Variants in CPA6 observed in about 807,000 individuals in gnomAD.
CPA6 encodes the protein carboxypeptidase A6, also known as carboxypeptidase B.
CPA6 carries 58 observed loss-of-function variants against 63.3 expected under a neutral mutation model. The ratio of observed to expected loss-of-function variants is 0.92; its 90% CI spans 0.74 to 1.14. The LOEUF (loss-of-function observed/expected upper bound fraction) is 1.14. Ranked by LOEUF, CPA6 falls within the 50% of genes most tolerant of loss-of-function variation. CPA6 has a pLI of 0.00. For missense variants in CPA6, 565 were observed against 526.6 expected (o/e 1.07, Z -0.71); for synonymous variants, 185 against 179.0 (o/e 1.03, Z -0.27).
At chr8:67,514,681 T>C (rs1361939299) in intron 3 of CPA6, among the ~76,000 whole-genome samples, 1 of 152,246 alleles carries the variant, frequency 6.6e-6, no homozygotes, top group Non-Finnish European at 1.5e-5. Context: ...CAGTTCCACA[T>C]GACCTATATT....
chr8:67,667,204 T>C (rs1218615054), intron 1 of CPA6, among the ~76,000 whole-genome samples: 1 of 152,172 alleles, frequency 6.6e-6, no homozygotes, highest in Non-Finnish European at 1.5e-5. Flanking sequence ...TGGTTCAGCA[T>C]GTCAAGAAAA....
chr8:67,717,306 A>G (rs2129001170), intron 1 of CPA6, among the ~76,000 whole-genome samples: 1 of 152,306 alleles, frequency 6.6e-6, no homozygotes, highest in East Asian at 1.9e-4. Context: ...AGGAAGAGAG[A>G]GCTGGAAATA....
At chr8:67,601,748 C>A (rs762348874) in intron 2 of CPA6, among the ~76,000 whole-genome samples, 1 of 151,980 alleles carries the variant, frequency 6.6e-6, no homozygotes, top group Non-Finnish European at 1.5e-5. Flanking sequence ...AAGGGAGTAG[C>A]GAAATAGGAA....
intron 2 of CPA6, among the ~76,000 whole-genome samples, chr8:67,607,168 CCTCTTCTTCTTCTTCTTCT>C: frequency 9.7e-6 from 1 of 103,400 alleles, no homozygotes; most frequent in South Asian, 5.3e-4. Flanking sequence ...TCTTCTTCTT[CCTCTTCTTCTTCTTCTTCT>C]TCTTCTTCTT....
chr8:67,692,328 C>CAAAAAAAAAA (rs55676882), intron 1 of CPA6, among the ~76,000 whole-genome samples: 1 of 89,992 alleles, frequency 1.1e-5, no homozygotes, highest in Admixed American at 1.3e-4. Context: ...AATCCTGTCT[C>CAAAAAAAAAA]AAAAAAAAAA....
chr8:67,643,361 A>G (rs1815638586), intron 1 of CPA6, among the ~76,000 whole-genome samples: 1 of 152,226 alleles, frequency 6.6e-6, no homozygotes, highest in East Asian at 1.9e-4. Context: ...ACCTCTCCAA[A>G]AAATGGAATA....
chr8:67,506,658 T>C (rs1385275231), intron 6 of CPA6, 129 bp downstream of exon 6: 1 of 635,400 alleles, frequency 1.6e-6, no homozygotes, highest in Non-Finnish European at 2.9e-6. Flanking sequence ...AAGCAGCCCA[T>C]GGAATCAAGG....
chr8:67,734,208 A>T (rs62511420), intron 1 of CPA6, among the ~76,000 whole-genome samples: 6,093 of 152,010 alleles, frequency 0.04, 178 homozygotes, highest in Non-Finnish European at 0.055. Flanking sequence ...ATTTGCTCTT[A>T]TATAAAAGGT....
intron 1 of CPA6, among the ~76,000 whole-genome samples, chr8:67,725,612 G>A (rs1032329897): frequency 7.9e-5 from 12 of 152,096 alleles, no homozygotes; most frequent in Admixed American, 5.9e-4. Context: ...CCTTGAACTC[G>A]TGGGTTCAAG....
intron 2 of CPA6, among the ~76,000 whole-genome samples, chr8:67,524,621 G>GTT (rs35538243): frequency 1.3e-5 from 2 of 150,472 alleles, no homozygotes; most frequent in Non-Finnish European, 3.0e-5. Context: ...AACTTTTTTT[G>GTT]TTTTTTTGCA....
chr8:67,471,297 C>T (rs550847602), intron 8 of CPA6, among the ~76,000 whole-genome samples: 1 of 152,330 alleles, frequency 6.6e-6, no homozygotes, highest in Non-Finnish European at 1.5e-5. Flanking sequence ...CTCACTGCTG[C>T]ACTGTCTAGC....
At chr8:67,711,536 C>CA (rs1325954680) in intron 1 of CPA6, among the ~76,000 whole-genome samples, 4 of 152,168 alleles carry the variant, frequency 2.6e-5, no homozygotes, top group Non-Finnish European at 5.9e-5. Context: ...TGTCTATCTG[C>CA]ATGAGCTCAT....
At chr8:67,624,413 A>G (rs1307655015) in intron 1 of CPA6, among the ~76,000 whole-genome samples, 162 bp from the exon 2 acceptor site, 1 of 152,224 alleles carries the variant, frequency 6.6e-6, no homozygotes, top group African/African-American at 2.4e-5. Flanking sequence ...CTCTGATTGC[A>G]TTGTTCTTTT....
chr8:67,486,349 GAC>G (rs1811476548), intron 6 of CPA6, among the ~76,000 whole-genome samples: 1 of 152,224 alleles, frequency 6.6e-6, no homozygotes, highest in South Asian at 2.1e-4. Context: ...TCTGCTATGT[GAC>G]ACTTGATATT....
At chr8:67,431,078 G>C (rs1321408760) in intron 9 of CPA6, among the ~76,000 whole-genome samples, 1 of 151,976 alleles carries the variant, frequency 6.6e-6, no homozygotes, top group Non-Finnish European at 1.5e-5. Context: ...TACCTAGGCT[G>C]GTCTTGAACT....
chr8:67,655,371 A>T (rs1041194437), intron 1 of CPA6, among the ~76,000 whole-genome samples: 1 of 152,082 alleles, frequency 6.6e-6, no homozygotes, highest in African/African-American at 2.4e-5. Context: ...GATTTCATAT[A>T]CTCTAATGAG....
chr8:67,730,350 G>A (rs1420244839), intron 1 of CPA6, among the ~76,000 whole-genome samples: 1 of 152,192 alleles, frequency 6.6e-6, no homozygotes, highest in Admixed American at 6.5e-5. Flanking sequence ...CATAGGGCAA[G>A]GTATGTAGGA....
intron 2 of CPA6, among the ~76,000 whole-genome samples, chr8:67,532,843 CTTT>C (rs2128969263): frequency 6.6e-6 from 1 of 152,186 alleles, no homozygotes; most frequent in South Asian, 2.1e-4. Flanking sequence ...TTTTATTGCT[CTTT>C]TTATTTATAA....
intron 2 of CPA6, among the ~76,000 whole-genome samples, chr8:67,549,566 T>C (rs549182910): frequency 6.6e-6 from 1 of 152,354 alleles, no homozygotes; most frequent in Admixed American, 6.5e-5. Context: ...CCCTATGCTA[T>C]ATGGTAGATC....
Sources: gnomAD v4.1 joint callset for allele counts (sites outside exome capture counted in the v4.1 genomes callset) on GRCh38, gnomAD v4.1.1 for gene constraint, MANE v1.5 for transcripts, NCBI Gene and HGNC (gene_info 2026-07-23, HGNC 2026-07-21) for gene names.